TRIM67: variants seen among roughly 807,000 people sequenced by gnomAD.
TRIM67 encodes the protein tripartite motif containing 67, also known as tripartite motif-containing protein 67.
In TRIM67, 39 loss-of-function variants were observed where a neutral mutation model predicts 71.0. That is an observed-to-expected ratio of 0.55 (90% CI 0.43 to 0.72). TRIM67 has a LOEUF of 0.72. TRIM67 is among the 30% of genes least tolerant of loss of function. The pLI, the probability that TRIM67 is intolerant of heterozygous loss-of-function variation, is 0.00. For missense variants in TRIM67, 973 were observed against 1,079.2 expected (o/e 0.90, Z 1.38); for synonymous variants, 481 against 473.9 (o/e 1.01, Z -0.19).
At chr1:231,184,354 G>A (rs565657344) in intron 1 of TRIM67, 2 of 152,122 alleles carry the variant, frequency 1.3e-5, no homozygotes, top group East Asian at 1.9e-4. Flanking sequence ...TGAGGACGTC[G>A]GCAGCAGTTG....
Position 231,217,502 on chromosome 1 carries a change from A to T in TRIM67, c.*2062A>T. ...GGCCTTTGCTTGGAGCATGGAGACG[A>T]TCCCTAAAGATTGAGGATGAAGAGG... On this transcript the variant is annotated 3_prime_UTR_variant, in exon 10 of 10. Transcript: ENST00000366653. 2 of 1,004,308 alleles carry T rather than the reference A, an allele frequency of 2.0e-6. No homozygotes were observed. The highest frequency in any genetic ancestry group is 2.4e-6 in the Non-Finnish European group (2 of 841,180). 62.2% of individuals were successfully genotyped at this position (1,004,308 alleles called of 1,614,324 possible).
At chr1:231,188,447 C>T (rs1056464141) in intron 1 of TRIM67, among the ~76,000 whole-genome samples, 5 of 152,180 alleles carry the variant, frequency 3.3e-5, no homozygotes, top group African/African-American at 1.2e-4. Flanking sequence ...GGACAAGGGT[C>T]CCCTGGAGAA....
chr1:231,208,581 G>A (rs929253344), intron 7 of TRIM67, among the ~76,000 whole-genome samples: 7 of 152,140 alleles, frequency 4.6e-5, no homozygotes, highest in Non-Finnish European at 1.0e-4. Flanking sequence ...CAAAGTGCTG[G>A]GATTACAGGC....
At chr1:231,208,576 T>C (rs934679074) in intron 7 of TRIM67, among the ~76,000 whole-genome samples, 1 of 152,132 alleles carries the variant, frequency 6.6e-6, no homozygotes, top group African/African-American at 2.4e-5. Flanking sequence ...CTTCCCAAAG[T>C]GCTGGGATTA....
At position 231,216,673 on chromosome 1, in the gene TRIM67, T is replaced by C. The variant is rs147996397; in HGVS notation, c.*1233T>C. Reference sequence around the variant, plus strand: ...AATAGAAGGGCAGTATCAGGTACCTTGTCTCCCAGCTTCCCACTGTGAGAC... The same window carrying C: ...AATAGAAGGGCAGTATCAGGTACCTCGTCTCCCAGCTTCCCACTGTGAGAC... On this transcript the variant is annotated 3_prime_UTR_variant, in exon 10 of 10. Transcript: ENST00000366653. The C allele has an allele frequency of 1.0e-3, 991 of 985,528 alleles. 5 individuals carry two copies. In the African/African-American group the frequency reaches 0.016, roughly 16 times the overall value. The allele number at this position is 985,528 out of a possible 1,614,324, so 61.0% of individuals were successfully genotyped here.
At chr1:231,204,388 G>T (rs1233321502) in intron 6 of TRIM67, among the ~76,000 whole-genome samples, 2 of 152,164 alleles carry the variant, frequency 1.3e-5, no homozygotes, top group African/African-American at 4.8e-5. Context: ...ATCATTTCTG[G>T]AGACGAGGAA....
At chr1:231,214,100 G>A (rs1484603982) in intron 9 of TRIM67, 123 bp downstream of exon 9, 3 of 1,211,752 alleles carry the variant, frequency 2.5e-6, no homozygotes, top group Non-Finnish European at 2.3e-6. Flanking sequence ...CCCAGACAGA[G>A]CTTATCAACT....
intron 4 of TRIM67, 50 bp from the exon 5 acceptor site, chr1:231,201,308 C>T (rs751856788): frequency 6.4e-7 from 1 of 1,569,676 alleles, no homozygotes; most frequent in Non-Finnish European, 8.6e-7. Flanking sequence ...CCTGGCTGCA[C>T]AATTTTTCCT....
chr1:231,186,332 G>A (rs772583724), intron 1 of TRIM67, among the ~76,000 whole-genome samples: 6 of 152,182 alleles, frequency 3.9e-5, no homozygotes, highest in Admixed American at 6.5e-5. Context: ...TTTCAGCAGC[G>A]CATCCGTGGA....
chr1:231,168,572 C>T (rs1027020895), intron 1 of TRIM67, among the ~76,000 whole-genome samples: 3 of 152,148 alleles, frequency 2.0e-5, no homozygotes, highest in Admixed American at 6.5e-5. Flanking sequence ...TAAAAATTCA[C>T]GTGGATAAAG....
intron 6 of TRIM67, 114 bp downstream of exon 6, chr1:231,204,126 G>A: frequency 6.9e-7 from 1 of 1,457,316 alleles, no homozygotes; most frequent in Non-Finnish European, 9.3e-7. Context: ...TTGCCATCCT[G>A]AGGGGACACT....
chr1:231,198,944 G>A, intron 2 of TRIM67, 103 bp from the exon 3 acceptor site: 1 of 1,545,674 alleles, frequency 6.5e-7, no homozygotes, highest in Non-Finnish European at 8.8e-7. Flanking sequence ...AATCTAGGAT[G>A]AACTTCTCTG....
rs955909706 is a variant in TRIM67 at position 231,215,426 on chromosome 1, C to G, written c.2338C>G (p.Leu780Val). ...GCCGACTAACCTGGGGCGGCCAAAGCTGTCAGGCAATTAGCCCCGCTCCAG... is the reference window on the plus strand; with the variant it reads ...GCCGACTAACCTGGGGCGGCCAAAGGTGTCAGGCAATTAGCCCCGCTCCAG... The part of the protein sequence containing the change: ...EVPTNLGRPK[L>V]SGN Residue 780 changes from leucine (L) to valine (V), a missense_variant, in exon 10 of 10, where the codon CTG becomes GTG. Physicochemically the swap from Leu to Val is conservative, Grantham distance 32 (BLOSUM62 1). This residue lies in a region of TRIM67 where 178 missense variants were observed against 247.9 expected (regional missense o/e 0.72). Transcript: ENST00000366653. The G allele has an allele frequency of 5.0e-6, 8 of 1,610,764 alleles. No homozygotes were observed. The South Asian group carries it at 8.8e-5, about 18-fold the overall frequency.
At chr1:231,201,600 G>A (rs1683525854) in intron 5 of TRIM67, 83 bp downstream of exon 5, 7 of 1,485,188 alleles carry the variant, frequency 4.7e-6, no homozygotes, top group Non-Finnish European at 6.3e-6. Context: ...GTGCCATAGG[G>A]AGACCTGTGA....
rs1683711292 is a variant in TRIM67, at chr1:231,206,743, C to T, written c.1772C>T (p.Ser591Phe). ...GCCCGAGTCAAAGCTTTCAACTCTTCTGGTGTCGGGCCTTACAGTAAAACT... is the reference window on the plus strand; with the variant it reads ...GCCCGAGTCAAAGCTTTCAACTCTTTTGGTGTCGGGCCTTACAGTAAAACT... ...YNARVKAFNS[S>F]GVGPYSKTVV... The change falls in exon 7 of 10, where the codon TCT becomes TTT. Residue 591 changes from serine (S) to phenylalanine (F), a missense_variant. This residue lies in a region of TRIM67 where 795 missense variants were observed against 831.3 expected (regional missense o/e 0.96). Transcript: ENST00000366653. 2 of 1,611,588 alleles carry T rather than the reference C, an allele frequency of 1.2e-6. No individual in the cohort carries two copies. The highest frequency in any genetic ancestry group is 1.7e-6 in the Non-Finnish European group (2 of 1,178,946).
chr1:231,219,791 A>G lies in TRIM67; in HGVS notation c.*4351A>G. ...ACTTTTCTTTTGCAAGTGAGCCGGT[A>G]GCTGTGTTTGTTGACCACATTCTTT... On this transcript the variant is annotated 3_prime_UTR_variant, in exon 10 of 10. Coordinates refer to ENST00000366653, the MANE Select transcript of TRIM67 (RefSeq NM_001004342.5). 8.0e-7 allele frequency: 1 copy of G among 1,248,662 alleles called. No homozygotes were observed. Among genetic ancestry groups the G allele is most frequent in the Non-Finnish European group, 1.0e-6 (1 of 967,688 alleles). 77.3% of individuals were successfully genotyped at this position (1,248,662 alleles called of 1,614,324 possible). A position where few individuals can be genotyped will look rare whatever the true frequency, so the allele number is the denominator to read the frequency against.
In TRIM67 at chr1:231,219,821, G is replaced by C; in HGVS notation, c.*4381G>C. 1 of 1,280,300 alleles carries C rather than the reference G, an allele frequency of 7.8e-7. No homozygotes were observed. The highest frequency in any genetic ancestry group is 1.3e-5 in the South Asian group (1 of 79,724). The allele number at this position is 1,280,300 out of a possible 1,614,324, so 79.3% of individuals were successfully genotyped here. On this transcript the variant is annotated 3_prime_UTR_variant, in exon 10 of 10. Coordinates refer to ENST00000366653, the MANE Select transcript of TRIM67 (RefSeq NM_001004342.5). The stretch of plus-strand genomic sequence containing the variant: ...TGTTTGTTGACCACATTCTTTGGCA[G>C]TTCCTCCCAGAAGATCAAAGGATCC...
rs552093514 is a variant in TRIM67, at chr1:231,183,073, A to G, written c.1045-14298A>G. Among the ~76,000 whole-genome samples the G allele has an allele frequency of 2.6e-5, 4 of 152,342 alleles. No individual in the cohort carries two copies. In the South Asian group the frequency reaches 6.2e-4, roughly 24 times the overall value. On this transcript the variant is annotated intron_variant, in intron 1 of 9. Coordinates refer to ENST00000366653, the MANE Select transcript of TRIM67 (RefSeq NM_001004342.5). ...AGGAGCTCGTGGGGAACTCCTAAGC[A>G]GTCAGGATTTTGGGAGTCAGAGTCT... is the stretch of plus-strand genomic sequence containing the variant.
chr1:231,215,078 C>T (rs886559422), intron 9 of TRIM67, among the ~76,000 whole-genome samples: 3 of 152,208 alleles, frequency 2.0e-5, no homozygotes, highest in Admixed American at 6.5e-5. Flanking sequence ...GGAGCCAGTG[C>T]GTGAGAGCCG....
Sources: allele counts gnomAD v4.1 joint callset (sites outside exome capture counted in the v4.1 genomes callset), GRCh38; gene constraint gnomAD v4.1.1; regional missense constraint gnomAD v4.1.1; transcripts MANE v1.5; gene names NCBI Gene and HGNC (gene_info 2026-07-23, HGNC 2026-07-21).